CADM2: variants seen among roughly 807,000 people sequenced by gnomAD.
The protein encoded by CADM2 is cell adhesion molecule 2.
CADM2 carries 12 observed loss-of-function variants against 49.8 expected under a neutral mutation model. That is an observed-to-expected ratio of 0.24 (90% confidence interval 0.15 to 0.39). The LOEUF is 0.39. Among genes scored for constraint, CADM2 ranks in the 10% least tolerant of loss-of-function variants. The pLI is 1.00. For synonymous variants in CADM2, 214 were observed against 175.4 expected, an observed-to-expected ratio of 1.22 and a Z score of -1.74; for missense variants, 378 against 492.3, an observed-to-expected ratio of 0.77 and a Z score of 2.20.
rs1040084041 is a variant in CADM2 at position 85,473,728 on chromosome 3, C to T, written c.62-252794C>T. Reference sequence around the variant, plus strand: ...AAGAACTTTGTGTTATAATTTATACCGATTTTTATATTCAAAAGAATATTT... The same window carrying T: ...AAGAACTTTGTGTTATAATTTATACTGATTTTTATATTCAAAAGAATATTT... On this transcript the variant is annotated intron_variant, in intron 1 of 9. Coordinates refer to ENST00000383699, the MANE Select transcript of CADM2 (RefSeq NM_001167675.2). Among the ~76,000 whole-genome samples, 10 of 151,890 alleles carry T rather than the reference C, an allele frequency of 6.6e-5. 1 individual carries two copies. The South Asian group carries it at 8.3e-4, about 13-fold the overall frequency.
chr3:85,104,662 G>A (rs1343155252), intron 1 of CADM2, among the ~76,000 whole-genome samples: 3 of 152,180 alleles, frequency 2.0e-5, no homozygotes, highest in Non-Finnish European at 2.9e-5. Context: ...AACTTGGGCA[G>A]TATGGCCATT....
intron 1 of CADM2, among the ~76,000 whole-genome samples, chr3:85,576,709 A>C (rs1370270894): frequency 6.6e-6 from 1 of 152,170 alleles, no homozygotes; most frequent in East Asian, 1.9e-4. Context: ...GTCGTATTTC[A>C]AATCTCAAAT....
intron 1 of CADM2, among the ~76,000 whole-genome samples, chr3:85,109,816 C>A (rs1202757718): frequency 2.0e-5 from 3 of 151,936 alleles, no homozygotes; most frequent in African/African-American, 7.2e-5. Context: ...GTATAATCAA[C>A]TAACATAGCA....
At position 85,172,667 on chromosome 3, in the gene CADM2, C is replaced by A. The variant is rs766004516; in HGVS notation, c.61+212999C>A. Among the ~76,000 whole-genome samples, 68 of 151,712 alleles carry A rather than the reference C, an allele frequency of 4.5e-4. 1 individual carries two copies. Among genetic ancestry groups the A allele is most frequent in the Non-Finnish European group, 1.6e-4 (11 of 67,978 alleles). ...CAGGTTAAGAAGTTTGAATTGTTTTCTCTAAGCAATGGGTAGACATTGAAG... is the reference window on the plus strand; with the variant it reads ...CAGGTTAAGAAGTTTGAATTGTTTTATCTAAGCAATGGGTAGACATTGAAG... On this transcript the variant is annotated intron_variant, in intron 1 of 9. Coordinates refer to ENST00000383699, the MANE Select transcript of CADM2 (RefSeq NM_001167675.2).
chr3:85,953,747 G>T (rs1489246219), intron 7 of CADM2, among the ~76,000 whole-genome samples: 1 of 150,814 alleles, frequency 6.6e-6, no homozygotes, highest in Non-Finnish European at 1.5e-5. Context: ...TCAAAAACTT[G>T]CACAGATGTT....
intron 5 of CADM2, among the ~76,000 whole-genome samples, chr3:85,909,242 G>C (rs996817259): frequency 1.3e-5 from 2 of 151,942 alleles, no homozygotes; most frequent in Non-Finnish European, 2.9e-5. Flanking sequence ...ATGTCCAGAA[G>C]GTCTACTAGA....
At chr3:85,114,586 T>C (rs988117148) in intron 1 of CADM2, among the ~76,000 whole-genome samples, 2 of 152,202 alleles carry the variant, frequency 1.3e-5, no homozygotes, top group Non-Finnish European at 2.9e-5. Context: ...GGCTATTTCA[T>C]TGATGAATCC....
chr3:85,828,731 T>C (rs925605526), intron 3 of CADM2, among the ~76,000 whole-genome samples: 1 of 151,970 alleles, frequency 6.6e-6, no homozygotes, highest in Admixed American at 6.6e-5. Flanking sequence ...TATTCCATTT[T>C]AATCCCCTAA....
chr3:85,487,639 A>AAGTG lies in CADM2; in HGVS notation c.62-238883_62-238882insAGTG, dbSNP rs1559864904. Reference sequence around the variant, plus strand: ...AGGAGGAAGTGGAGGAGGAGGACGAAGAGGAGGAGGAGGAGGAGGAGAAGG... The same window carrying AAGTG: ...AGGAGGAAGTGGAGGAGGAGGACGAAAGTGGAGGAGGAGGAGGAGGAGGAGAAGG... On this transcript the variant is annotated intron_variant, in intron 1 of 9. Transcript: ENST00000383699. Among the ~76,000 whole-genome samples the AAGTG allele has an allele frequency of 1.3e-4, 19 of 148,684 alleles. No homozygotes were observed. The East Asian group carries it at 2.7e-3, about 21-fold the overall frequency.
intron 1 of CADM2, among the ~76,000 whole-genome samples, chr3:85,525,938 C>T (rs1262821527): frequency 1.3e-5 from 2 of 152,184 alleles, no homozygotes; most frequent in African/African-American, 4.8e-5. Context: ...TCCTTCTCTC[C>T]TAGTATTTGT....
chr3:85,197,773 A>T (rs1449529381), intron 1 of CADM2, among the ~76,000 whole-genome samples: 1 of 151,906 alleles, frequency 6.6e-6, no homozygotes, highest in Non-Finnish European at 1.5e-5. Context: ...TCTTATCATG[A>T]TGCTGCTTGT....
At chr3:85,597,028 C>A (rs1373896112) in intron 1 of CADM2, among the ~76,000 whole-genome samples, 1 of 151,924 alleles carries the variant, frequency 6.6e-6, no homozygotes, top group Non-Finnish European at 1.5e-5. Flanking sequence ...TGAATATATT[C>A]TTGATATATA....
intron 2 of CADM2, among the ~76,000 whole-genome samples, chr3:85,769,426 CATAT>C (rs1400425447): frequency 1.1e-5 from 1 of 91,616 alleles, no homozygotes; most frequent in Non-Finnish European, 1.9e-5. Context: ...TACATATATA[CATAT>C]ATAGTATATA....
chr3:85,903,627 G>A (rs73132604), intron 5 of CADM2, among the ~76,000 whole-genome samples: 105 of 152,176 alleles, frequency 6.9e-4, no homozygotes, highest in Admixed American at 4.0e-3. Flanking sequence ...TTTGGATGAG[G>A]TATTTCTATT....
At chr3:85,085,736 A>T (rs567368610) in intron 1 of CADM2, among the ~76,000 whole-genome samples, 8 of 152,290 alleles carry the variant, frequency 5.3e-5, no homozygotes, top group African/African-American at 9.6e-5. Context: ...AACACAAACT[A>T]CACAAAGCAA....
At chr3:86,012,800 C>T in intron 8 of CADM2, 1 of 565,968 alleles carries the variant, frequency 1.8e-6, no homozygotes, top group East Asian at 3.3e-5. Flanking sequence ...CACGGTGAAA[C>T]CCCGTCTCTA....
chr3:85,160,369 G>T (rs1359601781), intron 1 of CADM2, among the ~76,000 whole-genome samples: 2 of 151,838 alleles, frequency 1.3e-5, no homozygotes, highest in East Asian at 3.9e-4. Flanking sequence ...GATCAAATTT[G>T]ATTTCTTAAA....
At chr3:85,091,608 A>T (rs1013814753) in intron 1 of CADM2, among the ~76,000 whole-genome samples, 1 of 152,154 alleles carries the variant, frequency 6.6e-6, no homozygotes, top group Admixed American at 6.6e-5. Flanking sequence ...AAATAAACTT[A>T]TTAAAACTGA....
intron 1 of CADM2, among the ~76,000 whole-genome samples, chr3:85,008,010 T>C (rs1413111013): frequency 6.6e-6 from 1 of 152,136 alleles, no homozygotes; most frequent in Non-Finnish European, 1.5e-5. Flanking sequence ...TCATAATTCA[T>C]AAATATTCCT....
Sources: gnomAD v4.1 joint callset for allele counts (sites outside exome capture counted in the v4.1 genomes callset) on GRCh38, gnomAD v4.1.1 for gene constraint, MANE v1.5 for transcripts, NCBI Gene and HGNC (gene_info 2026-07-23, HGNC 2026-07-21) for gene names.